RAG1: variants seen among roughly 807,000 people sequenced by gnomAD.
The protein encoded by RAG1 is recombination activating 1.
Under a neutral mutation model 62.7 loss-of-function variants are expected in RAG1, and 35 were observed. The observed-to-expected ratio is 0.56, with a 90% CI of 0.43 to 0.74. The LOEUF (loss-of-function observed/expected upper bound fraction) is 0.74, where lower values mean the gene tolerates loss of function less well. RAG1 is among the 30% of genes least tolerant of loss of function. The pLI is 0.00. For synonymous variants in RAG1, 461 were observed against 470.3 expected (o/e 0.98, Z 0.26); for missense variants, 1,169 against 1,278.6 (o/e 0.91, Z 1.31).
Position 36,576,588 on chromosome 11 carries a change from C to A in RAG1, c.*152C>A. ...TAAGATGCTACAGATGCTCTCAAGTCAGGAATAGAAACTGATGAGCTGATT... is the reference window on the plus strand; with the variant it reads ...TAAGATGCTACAGATGCTCTCAAGTAAGGAATAGAAACTGATGAGCTGATT... On this transcript the variant is annotated 3_prime_UTR_variant, in exon 2 of 2. Coordinates refer to ENST00000299440, the MANE Select transcript of RAG1 (RefSeq NM_000448.3). 1 of 901,828 alleles carries A rather than the reference C, an allele frequency of 1.1e-6. No homozygotes were observed. 55.9% of individuals were successfully genotyped at this position (901,828 alleles called of 1,614,324 possible). A position where few individuals can be genotyped will look rare whatever the true frequency, so the allele number is the denominator to read the frequency against.
chr11:36,551,411 G>A (rs1218457928), intron 3 of RAG1, among the ~76,000 whole-genome samples: 1 of 152,008 alleles, frequency 6.6e-6, no homozygotes, highest in Non-Finnish European at 1.5e-5. Context: ...GAGGCTAGAA[G>A]TTTGAGATTA....
At chr11:36,539,417 C>T (rs1860380481), downstream of RAG1, among the ~76,000 whole-genome samples, 1 of 152,226 alleles carries the variant, frequency 6.6e-6, no homozygotes, top group South Asian at 2.1e-4. Flanking sequence ...CTAATATAGA[C>T]TCTGTCTACC....
chr11:36,561,974 G>A (rs1826328863), intron 3 of RAG1, among the ~76,000 whole-genome samples: 1 of 152,152 alleles, frequency 6.6e-6, no homozygotes, highest in African/African-American at 2.4e-5. Flanking sequence ...ACATTTTGAG[G>A]ACCAGCAAGG....
chr11:36,535,671 G>A (rs1051953749), intron 2 of RAG1, among the ~76,000 whole-genome samples: 3 of 152,068 alleles, frequency 2.0e-5, no homozygotes, highest in Non-Finnish European at 2.9e-5. Flanking sequence ...CTTGAACCTG[G>A]GAGGTGGATG....
In RAG1 at chr11:36,574,306, A is replaced by G. The variant is rs1850800548; in HGVS notation, c.1002A>G (p.Pro334=). Reference sequence around the variant, plus strand: ...GCTATTGTCCCTCTTGCCGATATCCATGCTTCCCTACTGACCTGGAGAGTC... The same window carrying G: ...GCTATTGTCCCTCTTGCCGATATCCGTGCTTCCCTACTGACCTGGAGAGTC... ...MGSYCPSCRY[P]CFPTDLESPV... is the part of the protein sequence containing the mutation. The change falls in exon 2 of 2, where the codon CCA becomes CCG. Residue 334 remains proline, a synonymous_variant. Coordinates refer to ENST00000299440, the MANE Select transcript of RAG1 (RefSeq NM_000448.3). 1.2e-6 allele frequency: 2 copies of G among 1,614,082 alleles called. No individual in the cohort carries two copies. Among genetic ancestry groups the G allele is most frequent in the East Asian group, 2.2e-5 (1 of 44,894 alleles).
upstream of RAG1, among the ~76,000 whole-genome samples, chr11:36,567,009 G>C (rs1850670583): frequency 6.6e-6 from 1 of 152,178 alleles, no homozygotes; most frequent in Non-Finnish European, 1.5e-5. Flanking sequence ...GGATAAAGCT[G>C]GTCTGAGAAT....
At chr11:36,519,935 A>C (rs1860052376) in intron 1 of RAG1, among the ~76,000 whole-genome samples, 1 of 152,270 alleles carries the variant, frequency 6.6e-6, no homozygotes, top group African/African-American at 2.4e-5. Context: ...TTTGAAACTC[A>C]GCTCTACTTT....
At chr11:36,524,702 G>A (rs1471495770) in intron 2 of RAG1, among the ~76,000 whole-genome samples, 1 of 152,000 alleles carries the variant, frequency 6.6e-6, no homozygotes, top group East Asian at 1.9e-4. Context: ...TGTTGCCAGA[G>A]TTGGCCTCAA....
intron 2 of RAG1, among the ~76,000 whole-genome samples, chr11:36,527,947 G>C (rs1332713882): frequency 6.6e-6 from 1 of 152,034 alleles, no homozygotes; most frequent in African/African-American, 2.4e-5. Context: ...TGCTGAAGTT[G>C]CTTATCAGCT....
At chr11:36,561,062 A>G (rs1850578379) in intron 3 of RAG1, among the ~76,000 whole-genome samples, 1 of 152,180 alleles carries the variant, frequency 6.6e-6, no homozygotes. Context: ...TACTGTCTCC[A>G]TCCTGCCATA....
intron 1 of RAG1, among the ~76,000 whole-genome samples, chr11:36,512,605 A>G (rs924047164): frequency 6.6e-6 from 1 of 152,216 alleles, no homozygotes; most frequent in Non-Finnish European, 1.5e-5. Context: ...TCTTCTTTTC[A>G]GAGCTGTTAT....
rs1484580113 is a variant in RAG1, at chr11:36,575,002, G to T, written c.1698G>T (p.Leu566Phe). 6.2e-7 allele frequency: 1 copy of T among 1,614,060 alleles called. No homozygotes were observed. The highest frequency in any genetic ancestry group is 8.5e-7 in the Non-Finnish European group (1 of 1,180,022). The change falls in exon 2 of 2, where the codon TTG becomes TTT. Residue 566 changes from leucine (L) to phenylalanine (F), a missense_variant. Leu to Phe is a conservative substitution (Grantham distance 22). Coordinates refer to ENST00000299440, the MANE Select transcript of RAG1 (RefSeq NM_000448.3). This position sits in a 1 kb window ranked among gnomAD's most constrained non-coding sequence, Gnocchi z 4.1. The part of the protein sequence containing the change: ...IAKRFRYDSA[L>F]VSALMDMEED... ...AGAGGTTCCGCTATGATTCAGCTTT[G>T]GTGTCTGCTTTGATGGACATGGAAG... is the stretch of plus-strand genomic sequence containing the variant.
rs778067035 is a variant in RAG1, at chr11:36,573,884, G to T, written c.580G>T (p.Val194Phe). 2 of 1,614,128 alleles carry T rather than the reference G, an allele frequency of 1.2e-6. No homozygotes were observed. Among genetic ancestry groups the T allele is most frequent in the Non-Finnish European group, 1.7e-6 (2 of 1,180,046 alleles). The stretch of plus-strand genomic sequence containing the variant: ...GAAGTTTAGCAGTGCCCCATGTGAG[G>T]TTTACTTCCCGAGGAACGTGACCAT... ...HRKFSSAPCE[V>F]YFPRNVTMEW... Residue 194 changes from valine (V) to phenylalanine (F), a missense_variant, in exon 2 of 2, where the codon GTT (valine) becomes TTT (phenylalanine). Transcript: ENST00000299440.
intron 1 of RAG1, 116 bp from the exon 2 acceptor site, chr11:36,573,175 C>A: frequency 9.6e-7 from 1 of 1,038,686 alleles, no homozygotes; most frequent in Admixed American, 2.5e-5. Flanking sequence ...AGATTTAATA[C>A]ATATCTTTTG....
At chr11:36,538,824 C>T (rs113678666), downstream of RAG1, among the ~76,000 whole-genome samples, 1 of 152,140 alleles carries the variant, frequency 6.6e-6, no homozygotes, top group Non-Finnish European at 1.5e-5. Flanking sequence ...CCTTTTTGCT[C>T]TGGGCTGCCC....
Position 36,579,434 on chromosome 11 carries a change from A to G in RAG1, c.*2998A>G, listed in dbSNP as rs1850902747. ...TCTTATTTTAACTACAGTAATCTAC[A>G]TAAATATACCTCAGAAATCATTTTT... On this transcript the variant is annotated 3_prime_UTR_variant, in exon 2 of 2. Coordinates refer to ENST00000299440, the MANE Select transcript of RAG1 (RefSeq NM_000448.3). The G allele has an allele frequency of 6.0e-6, 1 of 167,066 alleles. No homozygotes were observed. Among genetic ancestry groups the G allele is most frequent in the Admixed American group, 6.5e-5 (1 of 15,286 alleles). The allele number at this position is 167,066 out of a possible 1,614,324, so 10.3% of individuals were successfully genotyped here.
At chr11:36,545,365 A>T (rs761619946) in intron 3 of RAG1, among the ~76,000 whole-genome samples, 1 of 152,156 alleles carries the variant, frequency 6.6e-6, no homozygotes, top group Admixed American at 6.5e-5. Flanking sequence ...CTTGAATTCA[A>T]TGTGACTGGT....
intron 1 of RAG1, among the ~76,000 whole-genome samples, chr11:36,572,212 GGGATGAT>G (rs1292090748): frequency 2.0e-5 from 3 of 152,194 alleles, no homozygotes; most frequent in African/African-American, 7.2e-5. Context: ...ATAGGTGGAT[GGGATGAT>G]GGATTGAAAA....
chr11:36,560,244 G>GTCA (rs919421698), intron 3 of RAG1, among the ~76,000 whole-genome samples: 4 of 152,144 alleles, frequency 2.6e-5, no homozygotes, highest in African/African-American at 9.7e-5. Flanking sequence ...AGCTCTGCTG[G>GTCA]TCATCAGTAC....
Sources: allele counts gnomAD v4.1 joint callset (sites outside exome capture counted in the v4.1 genomes callset), GRCh38; gene constraint gnomAD v4.1.1; non-coding constraint Gnocchi (gnomAD v3.1); transcripts MANE v1.5; gene names NCBI Gene and HGNC (gene_info 2026-07-23, HGNC 2026-07-21).